RALYL: variants seen among roughly 807,000 people sequenced by gnomAD.
The protein encoded by RALYL is RNA-binding Raly-like protein.
RALYL carries 29 observed loss-of-function variants against 35.1 expected under a neutral mutation model. That is an observed-to-expected ratio of 0.83 (90% confidence interval 0.61 to 1.13). RALYL has a LOEUF of 1.13. Ranked by LOEUF, RALYL falls within the 50% of genes most tolerant of loss-of-function variation. RALYL has a pLI of 0.00. For missense variants in RALYL, 359 were observed against 360.4 expected (o/e 1.00, Z 0.03); for synonymous variants, 120 against 127.6 (o/e 0.94, Z 0.40).
intron 1 of RALYL, among the ~76,000 whole-genome samples, chr8:84,497,638 TTTTG>T (rs2056188867): frequency 1.5e-5 from 2 of 133,184 alleles, no homozygotes; most frequent in Admixed American, 7.6e-5. Context: ...TTGTTTTTGT[TTTTG>T]TTTTTTTTTT....
At chr8:84,331,965 TTA>T in intron 1 of RALYL, among the ~76,000 whole-genome samples, 1 of 152,270 alleles carries the variant, frequency 6.6e-6, no homozygotes, top group Admixed American at 6.5e-5. Context: ...AATTATATGT[TTA>T]TGTTACGAGG....
At chr8:84,388,888 T>G (rs1429945930) in intron 1 of RALYL, among the ~76,000 whole-genome samples, 1 of 152,166 alleles carries the variant, frequency 6.6e-6, no homozygotes, top group South Asian at 2.1e-4. Context: ...TGCCATTGCT[T>G]TTGGTGTTTT....
At chr8:84,787,986 A>G (rs1235815783) in intron 3 of RALYL, among the ~76,000 whole-genome samples, 1 of 152,084 alleles carries the variant, frequency 6.6e-6, no homozygotes, top group Admixed American at 6.6e-5. Flanking sequence ...ACCTCTGATG[A>G]TAGTTTCTTT....
chr8:84,547,462 T>C (rs1490588331), intron 2 of RALYL, among the ~76,000 whole-genome samples: 2 of 151,968 alleles, frequency 1.3e-5, no homozygotes, highest in Non-Finnish European at 2.9e-5. Flanking sequence ...CTGCAACCTC[T>C]GCCTCCCGGG....
chr8:84,245,680 G>C (rs998193244), intron 1 of RALYL, among the ~76,000 whole-genome samples: 14 of 152,072 alleles, frequency 9.2e-5, no homozygotes, highest in Admixed American at 3.9e-4. Context: ...AAGAACATTT[G>C]TTAACATTAA....
At chr8:84,409,646 G>C (rs1586934588) in intron 1 of RALYL, among the ~76,000 whole-genome samples, 1 of 151,970 alleles carries the variant, frequency 6.6e-6, no homozygotes, top group East Asian at 1.9e-4. Context: ...AATGAAGAAT[G>C]ATTGATATGA....
At chr8:84,707,295 T>G (rs1246939924) in intron 2 of RALYL, among the ~76,000 whole-genome samples, 1 of 152,184 alleles carries the variant, frequency 6.6e-6, no homozygotes, top group Non-Finnish European at 1.5e-5. Flanking sequence ...TAAAAATGAT[T>G]GGTGTGAAGT....
rs866387722 is a variant in RALYL at position 84,248,612 on chromosome 8, A to C, written c.-24+64188A>C. Among the ~76,000 whole-genome samples, 4 of 152,134 alleles carry C rather than the reference A, an allele frequency of 2.6e-5. No homozygotes were observed. In the South Asian group the frequency reaches 8.3e-4, roughly 32 times the overall value. Reference sequence around the variant, plus strand: ...CTTTCTCTCCTGCTTTTAGATTTACATTGTGAGGCTGTAGATGGAGAAAAC... The same window carrying C: ...CTTTCTCTCCTGCTTTTAGATTTACCTTGTGAGGCTGTAGATGGAGAAAAC... On this transcript the variant is annotated intron_variant, in intron 1 of 8. Coordinates refer to ENST00000521268, the MANE Select transcript of RALYL (RefSeq NM_173848.7).
intron 2 of RALYL, among the ~76,000 whole-genome samples, chr8:84,699,548 G>A (rs970396811): frequency 2.0e-5 from 3 of 152,030 alleles, no homozygotes; most frequent in African/African-American, 7.2e-5. Flanking sequence ...AAGAGGCAAG[G>A]GATCTCTCTG....
intron 2 of RALYL, among the ~76,000 whole-genome samples, chr8:84,753,099 A>C (rs1810474762): frequency 6.6e-6 from 1 of 152,172 alleles, no homozygotes; most frequent in Non-Finnish European, 1.5e-5. Flanking sequence ...AAGCCTTGGA[A>C]ATCCACCCCT....
intron 5 of RALYL, among the ~76,000 whole-genome samples, chr8:84,854,348 AAAAG>A (rs914573873): frequency 2.3e-4 from 31 of 136,884 alleles, no homozygotes; most frequent in African/African-American, 8.0e-4. Flanking sequence ...CCGTCTAAAA[AAAAG>A]AAAAAGAAAA....
intron 2 of RALYL, among the ~76,000 whole-genome samples, chr8:84,678,587 C>G (rs948830104): frequency 6.6e-6 from 1 of 152,016 alleles, no homozygotes; most frequent in Admixed American, 6.6e-5. Context: ...TTTTTTAATG[C>G]AAACAAGCAT....
At chr8:84,416,837 C>T (rs1563884752) in intron 1 of RALYL, among the ~76,000 whole-genome samples, 1 of 151,866 alleles carries the variant, frequency 6.6e-6, no homozygotes, top group Admixed American at 6.6e-5. Context: ...TATACTTTAC[C>T]CAATTCTTAA....
chr8:84,415,926 A>G (rs2044653383), intron 1 of RALYL, among the ~76,000 whole-genome samples: 1 of 152,208 alleles, frequency 6.6e-6, no homozygotes, highest in Admixed American at 6.5e-5. Flanking sequence ...AGATATGAGT[A>G]TCTTTTCATT....
intron 4 of RALYL, among the ~76,000 whole-genome samples, chr8:84,809,040 A>G (rs1025103301): frequency 6.6e-6 from 1 of 152,092 alleles, no homozygotes; most frequent in East Asian, 1.9e-4. Context: ...TTCCAGTGCT[A>G]TGTGAAGAGG....
chr8:84,587,916 G>A (rs1387403116), intron 2 of RALYL, among the ~76,000 whole-genome samples: 3 of 152,054 alleles, frequency 2.0e-5, no homozygotes, highest in Non-Finnish European at 4.4e-5. Flanking sequence ...ATAATAGAAG[G>A]CCAAAAATTC....
chr8:84,649,765 C>A (rs1399944747), intron 2 of RALYL, among the ~76,000 whole-genome samples: 1 of 152,002 alleles, frequency 6.6e-6, no homozygotes, highest in African/African-American at 2.4e-5. Flanking sequence ...GTGATGTGGG[C>A]TCTTTTTTGG....
intron 1 of RALYL, among the ~76,000 whole-genome samples, chr8:84,430,450 C>A (rs965456017): frequency 2.6e-5 from 4 of 151,850 alleles, no homozygotes; most frequent in Non-Finnish European, 5.9e-5. Context: ...TCTCTTTGTT[C>A]AAATAGAGGA....
At chr8:84,737,287 T>C (rs1252037547) in intron 2 of RALYL, among the ~76,000 whole-genome samples, 1 of 152,100 alleles carries the variant, frequency 6.6e-6, no homozygotes, top group East Asian at 1.9e-4. Flanking sequence ...AAATAAATCC[T>C]TAATTTCATT....
Sources: gnomAD v4.1 joint callset for allele counts (sites outside exome capture counted in the v4.1 genomes callset) on GRCh38, gnomAD v4.1.1 for gene constraint, MANE v1.5 for transcripts, NCBI Gene and HGNC (gene_info 2026-07-23, HGNC 2026-07-21) for gene names.